Variants in SAMMSON observed in about 807,000 individuals in gnomAD.
The protein encoded by SAMMSON is long intergenic non-protein coding RNA 1212.
At chr3:70,163,805 T>A (rs926270497) in intron 4 of SAMMSON, among the ~76,000 whole-genome samples, 2 of 152,020 alleles carry the variant, frequency 1.3e-5, no homozygotes, top group Non-Finnish European at 2.9e-5. Context: ...CAAATTGAAG[T>A]TACAGTTATT....
chr3:70,274,062 T>TG (rs1378473883), intron 6 of SAMMSON, among the ~76,000 whole-genome samples: 4 of 147,194 alleles, frequency 2.7e-5, no homozygotes, highest in Admixed American at 6.9e-5. Context: ...CCTCCGTGTG[T>TG]GTGTGTGTGT....
At chr3:70,055,868 A>G (rs1307814844) in intron 3 of SAMMSON, among the ~76,000 whole-genome samples, 2 of 151,970 alleles carry the variant, frequency 1.3e-5, no homozygotes, top group African/African-American at 4.8e-5. Context: ...GTAGTGTGCC[A>G]TCTTAGTGCC....
intron 6 of SAMMSON, among the ~76,000 whole-genome samples, chr3:70,284,748 G>A (rs545929410): frequency 3.3e-5 from 5 of 152,194 alleles, no homozygotes; most frequent in African/African-American, 9.6e-5. Flanking sequence ...CCTATTGGAG[G>A]GTGAAGGGTA....
chr3:70,255,444 T>G (rs1205572733), intron 6 of SAMMSON, among the ~76,000 whole-genome samples: 1 of 152,150 alleles, frequency 6.6e-6, no homozygotes, highest in Non-Finnish European at 1.5e-5. Flanking sequence ...TCTTCTTTAT[T>G]TTAGAGACAG....
At chr3:70,100,140 T>C (rs1327683313) in intron 4 of SAMMSON, among the ~76,000 whole-genome samples, 2 of 152,020 alleles carry the variant, frequency 1.3e-5, no homozygotes, top group African/African-American at 4.8e-5. Context: ...GGGGTGCATA[T>C]TTTCATACTC....
At chr3:70,247,918 G>A (rs1159045824) in intron 4 of SAMMSON, among the ~76,000 whole-genome samples, 1 of 152,046 alleles carries the variant, frequency 6.6e-6, no homozygotes, top group African/African-American at 2.4e-5. Context: ...GTAAAGAGAT[G>A]TGTATTCTTT....
At chr3:70,261,888 C>T (rs1401354848) in intron 6 of SAMMSON, among the ~76,000 whole-genome samples, 1 of 152,074 alleles carries the variant, frequency 6.6e-6, no homozygotes, top group East Asian at 1.9e-4. Flanking sequence ...CAAGAAGATC[C>T]GGGGCTGAAA....
At chr3:70,240,994 G>A (rs1701662452) in intron 4 of SAMMSON, among the ~76,000 whole-genome samples, 1 of 152,082 alleles carries the variant, frequency 6.6e-6, no homozygotes. Flanking sequence ...TCACAGTCAA[G>A]GATATTCATT....
chr3:70,409,891 T>C (rs551223545), intron 2 of SAMMSON, among the ~76,000 whole-genome samples: 1 of 152,176 alleles, frequency 6.6e-6, no homozygotes, highest in Non-Finnish European at 1.5e-5. Flanking sequence ...TATTTTATGA[T>C]ACTGAGGTTT....
chr3:70,075,607 T>C (rs1042467692), intron 4 of SAMMSON, among the ~76,000 whole-genome samples: 1 of 152,164 alleles, frequency 6.6e-6, no homozygotes, highest in Non-Finnish European at 1.5e-5. Flanking sequence ...AATTGGTTTG[T>C]GGTTTATTTT....
chr3:70,427,530 G>A (rs1187520015), intron 2 of SAMMSON, among the ~76,000 whole-genome samples: 2 of 152,084 alleles, frequency 1.3e-5, no homozygotes, highest in Non-Finnish European at 2.9e-5. Flanking sequence ...ACGAGGTCAG[G>A]AGATCGAGAC....
chr3:70,036,343 G>A (rs1458235378), intron 3 of SAMMSON, among the ~76,000 whole-genome samples: 1 of 152,118 alleles, frequency 6.6e-6, no homozygotes, highest in African/African-American at 2.4e-5. Context: ...TCTATCTCAT[G>A]TGTCCAACAG....
chr3:70,104,653 T>G (rs2106656573), intron 4 of SAMMSON, among the ~76,000 whole-genome samples: 1 of 152,258 alleles, frequency 6.6e-6, no homozygotes, highest in South Asian at 2.1e-4. Context: ...TTAAAACATC[T>G]TTCAAATGAA....
chr3:70,393,160 A>G (rs960724737), downstream of SAMMSON, among the ~76,000 whole-genome samples: 1 of 152,130 alleles, frequency 6.6e-6, no homozygotes, highest in East Asian at 1.9e-4. Context: ...TTACTATAAT[A>G]TTTTGTGTAA....
intron 7 of SAMMSON, among the ~76,000 whole-genome samples, chr3:70,351,647 C>A (rs979584075): frequency 2.0e-5 from 3 of 151,860 alleles, no homozygotes; most frequent in African/African-American, 7.3e-5. Context: ...CCCACACTAG[C>A]AGCTGAAGAA....
intron 7 of SAMMSON, among the ~76,000 whole-genome samples, chr3:70,333,601 A>AT (rs1260969021): frequency 1.3e-5 from 2 of 151,888 alleles, no homozygotes; most frequent in Admixed American, 6.6e-5. Context: ...CCTTGATTTT[A>AT]TTTTTTTTCT....
chr3:70,209,294 A>T (rs769964649), intron 4 of SAMMSON, among the ~76,000 whole-genome samples: 1 of 152,036 alleles, frequency 6.6e-6, no homozygotes, highest in Non-Finnish European at 1.5e-5. Flanking sequence ...CCTCTAGCTC[A>T]TGACAATGAA....
chr3:70,244,125 C>T (rs1425509930), intron 4 of SAMMSON, among the ~76,000 whole-genome samples: 1 of 152,196 alleles, frequency 6.6e-6, no homozygotes, highest in Non-Finnish European at 1.5e-5. Flanking sequence ...TTTTCTTTGG[C>T]TCAAATGGGA....
intron 3 of SAMMSON, among the ~76,000 whole-genome samples, chr3:70,021,617 A>G (rs1366741621): frequency 6.6e-6 from 1 of 152,134 alleles, no homozygotes; most frequent in East Asian, 1.9e-4. Context: ...GTCTTTAAGG[A>G]TCCAAATCAT....
Sources: allele counts gnomAD v4.1 joint callset (sites outside exome capture counted in the v4.1 genomes callset), GRCh38; gene constraint gnomAD v4.1.1; transcripts MANE v1.5; gene names NCBI Gene and HGNC (gene_info 2026-07-23, HGNC 2026-07-21).